CEP126: variants seen among roughly 807,000 people sequenced by gnomAD.
CEP126 encodes the protein centrosomal protein 126.
CEP126 carries 74 observed loss-of-function variants against 107.8 expected under a neutral mutation model. The observed-to-expected ratio is 0.69, with a 90% CI of 0.57 to 0.83. The LOEUF is 0.83. CEP126 is among the 40% of genes least tolerant of loss of function. The pLI, the probability that CEP126 is intolerant of heterozygous loss-of-function variation, is 0.00. For synonymous variants in CEP126, 449 were observed against 446.0 expected (o/e 1.01, Z -0.08); for missense variants, 1,237 against 1,281.9 (o/e 0.96, Z 0.53).
intron 2 of CEP126, among the ~76,000 whole-genome samples, chr11:101,931,942 C>T (rs1256937945): frequency 6.6e-6 from 1 of 152,202 alleles, no homozygotes; most frequent in Non-Finnish European, 1.5e-5. Context: ...AGATGGCTCA[C>T]ATTGAGCCAA....
At chr11:101,987,769 A>C (rs1565370087) in intron 9 of CEP126, among the ~76,000 whole-genome samples, 1 of 152,206 alleles carries the variant, frequency 6.6e-6, no homozygotes, top group Admixed American at 6.5e-5. Context: ...TACAAGTATC[A>C]CACTAATTTA....
intron 3 of CEP126, among the ~76,000 whole-genome samples, chr11:101,947,787 A>G (rs2137099064): frequency 6.6e-6 from 1 of 152,290 alleles, no homozygotes; most frequent in Non-Finnish European, 1.5e-5. Context: ...AAGAGCCCAG[A>G]CATTTCTCAA....
In CEP126 at chr11:101,915,271, C is replaced by T. The variant is rs1449215927; in HGVS notation, c.-14C>T. 6.2e-7 allele frequency: 1 copy of T among 1,612,994 alleles called. No individual in the cohort carries two copies. Among genetic ancestry groups the T allele is most frequent in the Non-Finnish European group, 8.5e-7 (1 of 1,179,728 alleles). On this transcript the variant is annotated 5_prime_UTR_variant, in exon 1 of 11. Coordinates refer to ENST00000263468, the MANE Select transcript of CEP126 (RefSeq NM_020802.4). ...GTTCTGGGGGCGAGCAGACAGGCGGCGCTGAAGTGAAGGATGCTGGCGGGG... is the reference window on the plus strand; with the variant it reads ...GTTCTGGGGGCGAGCAGACAGGCGGTGCTGAAGTGAAGGATGCTGGCGGGG...
intron 2 of CEP126, among the ~76,000 whole-genome samples, chr11:101,940,223 G>A (rs974310911): frequency 6.6e-6 from 1 of 152,296 alleles, no homozygotes; most frequent in East Asian, 1.9e-4. Flanking sequence ...GCAGTGCGCT[G>A]ATACTCTGAA....
In CEP126 at chr11:101,997,634, CAA is replaced by C. The variant is rs953575380; in HGVS notation, c.3346_3347del (p.Lys1116GlufsTer9). ...AAGATAGAACCAGCAGCTGCAGAGACAAGAGATAATTCCAGCAGAATCCGTCT... is the reference window on the plus strand; with the variant it reads ...AAGATAGAACCAGCAGCTGCAGAGACGAGATAATTCCAGCAGAATCCGTCT... ...REDRTSSCRD[K>X]R is the part of the protein sequence containing the mutation. On this transcript the variant is annotated frameshift_variant, in exon 11 of 11. Transcript: ENST00000263468. LOFTEE classifies it high-confidence loss of function. 5 of 1,613,548 alleles carry C rather than the reference CAA, an allele frequency of 3.1e-6. No homozygotes were observed. The African/African-American group carries it at 4.0e-5, about 13-fold the overall frequency.
chr11:101,982,153 T>A (rs1487156432), intron 8 of CEP126, among the ~76,000 whole-genome samples, 189 bp downstream of exon 8: 1 of 152,204 alleles, frequency 6.6e-6, no homozygotes, highest in Non-Finnish European at 1.5e-5. Flanking sequence ...GTATTGAACA[T>A]CTTTCTACAT....
At chr11:101,952,248 G>C (rs1263593358) in intron 4 of CEP126, among the ~76,000 whole-genome samples, 4 of 152,182 alleles carry the variant, frequency 2.6e-5, no homozygotes, top group African/African-American at 9.6e-5. Flanking sequence ...AGAGTTGTGG[G>C]CAGATAGGTT....
rs1941401100 is a variant in CEP126, at chr11:101,992,831, A to T, written c.3298A>T (p.Ile1100Leu). ...ATCCATCAAAAATACTTTACAAATA[A>T]TACCACTTCTGGTAAGTATTTGAAG... is the stretch of plus-strand genomic sequence containing the variant. ...NPSIKNTLQI[I>L]PLLEKREDRT... Residue 1100 changes from isoleucine (I) to leucine (L), a missense_variant, in exon 10 of 11, where the codon ATA (isoleucine) becomes TTA (leucine). Ile to Leu is a conservative substitution (Grantham distance 5). Around this residue, in one of 3 missense-constraint regions of CEP126, gnomAD observed 99 missense variants for 114.4 expected, o/e 0.87. Coordinates refer to ENST00000263468, the MANE Select transcript of CEP126 (RefSeq NM_020802.4). 6.5e-7 allele frequency: 1 copy of T among 1,538,812 alleles called. No individual in the cohort carries two copies. Among genetic ancestry groups the T allele is most frequent in the African/African-American group, 1.4e-5 (1 of 70,852 alleles).
chr11:101,997,760 G>A lies in CEP126; in HGVS notation c.*117G>A. On this transcript the variant is annotated 3_prime_UTR_variant, in exon 11 of 11. Transcript: ENST00000263468. ...TGAGCAACAACCCCCATGAACATTT[G>A]TCCTAACTCAGATTTTGTGAGCAGT... The A allele has an allele frequency of 2.1e-6, 3 of 1,420,964 alleles. No homozygotes were observed. The highest frequency in any genetic ancestry group is 2.9e-6 in the Non-Finnish European group (3 of 1,031,072). The allele number at this position is 1,420,964 out of a possible 1,614,324, so 88.0% of individuals were successfully genotyped here. A position where few individuals can be genotyped will look rare whatever the true frequency, so the allele number is the denominator to read the frequency against.
intron 2 of CEP126, among the ~76,000 whole-genome samples, chr11:101,935,246 T>C (rs916804352): frequency 6.6e-6 from 1 of 152,028 alleles, no homozygotes; most frequent in Non-Finnish European, 1.5e-5. Context: ...ATATATATTC[T>C]GGGTACAAGT....
chr11:101,960,980 A>G (rs1940961835), intron 5 of CEP126, among the ~76,000 whole-genome samples: 1 of 152,112 alleles, frequency 6.6e-6, no homozygotes, highest in African/African-American at 2.4e-5. Context: ...TTGAAATATT[A>G]TTAAAGACTG....
At chr11:101,932,135 T>C (rs1264567469) in intron 2 of CEP126, among the ~76,000 whole-genome samples, 1 of 152,250 alleles carries the variant, frequency 6.6e-6, no homozygotes, top group Admixed American at 6.5e-5. Flanking sequence ...TTATTGCCAT[T>C]TCCTTCTATT....
At chr11:101,945,028 G>A (rs1940717021) in intron 3 of CEP126, among the ~76,000 whole-genome samples, 2 of 152,174 alleles carry the variant, frequency 1.3e-5, no homozygotes, top group Non-Finnish European at 1.5e-5. Flanking sequence ...CTTAGGCTAA[G>A]CTGAGATATA....
At chr11:101,980,919 C>T (rs1369908341) in intron 7 of CEP126, among the ~76,000 whole-genome samples, 1 of 152,190 alleles carries the variant, frequency 6.6e-6, no homozygotes, top group African/African-American at 2.4e-5. Flanking sequence ...AGTTTCTCCT[C>T]AGATCAGATT....
intron 9 of CEP126, among the ~76,000 whole-genome samples, chr11:101,988,505 A>G (rs995725278): frequency 6.6e-6 from 1 of 152,184 alleles, no homozygotes; most frequent in Non-Finnish European, 1.5e-5. Context: ...AACAATGCCA[A>G]TCTACAGATT....
At chr11:101,954,063 C>T (rs1034775185) in intron 4 of CEP126, among the ~76,000 whole-genome samples, 2 of 150,266 alleles carry the variant, frequency 1.3e-5, no homozygotes, top group East Asian at 2.0e-4. Context: ...CAGTCTCACT[C>T]TGTCTCCAGG....
intron 2 of CEP126, among the ~76,000 whole-genome samples, chr11:101,936,189 C>G (rs7951294): frequency 0.028 from 4,245 of 152,134 alleles, 81 homozygotes; most frequent in African/African-American, 0.052. Context: ...CTCTTCTCCT[C>G]TTTCCCCCAC....
At chr11:101,965,151 CTTCTATGAAGGAATAAA>C (rs1419350765) in intron 6 of CEP126, among the ~76,000 whole-genome samples, 1 of 152,074 alleles carries the variant, frequency 6.6e-6, no homozygotes, top group Non-Finnish European at 1.5e-5. Context: ...AACTTCTTTC[CTTCTATGAAGGAATAAA>C]CTAGAAAGCA....
intron 4 of CEP126, chr11:101,956,338 T>G (rs1197452623): frequency 2.2e-6 from 1 of 456,248 alleles, no homozygotes; most frequent in Admixed American, 2.3e-5. Context: ...GTCACCCCCC[T>G]TATCCACCAG....
Sources: allele counts gnomAD v4.1 joint callset (sites outside exome capture counted in the v4.1 genomes callset), GRCh38; gene constraint gnomAD v4.1.1; regional missense constraint gnomAD v4.1.1; transcripts MANE v1.5; gene names NCBI Gene and HGNC (gene_info 2026-07-23, HGNC 2026-07-21).